SAMD5: variants seen among roughly 807,000 people sequenced by gnomAD.
The protein encoded by SAMD5 is sterile alpha motif domain containing 5.
SAMD5 carries 13 observed loss-of-function variants against 11.3 expected under a neutral mutation model. That is an observed-to-expected ratio of 1.15 (90% CI 0.75 to 1.83). SAMD5 has a LOEUF of 1.83. Among genes scored for constraint, SAMD5 ranks in the 40% most tolerant of loss-of-function variants. The pLI is 0.00. For synonymous variants in SAMD5, 129 were observed against 111.3 expected, an observed-to-expected ratio of 1.16 and a Z score of -1.00; for missense variants, 255 against 239.1, an observed-to-expected ratio of 1.07 and a Z score of -0.44.
chr6:147,732,340 G>A (rs12210064), intron 1 of SAMD5, among the ~76,000 whole-genome samples: 11,422 of 152,142 alleles, frequency 0.075, 511 homozygotes, highest in Non-Finnish European at 0.093. Flanking sequence ...AATTTCTCTC[G>A]TATATTACTG....
At chr6:147,931,048 A>AT in the SAMD5 span, among the ~76,000 whole-genome samples, 1 of 152,164 alleles carries the variant, frequency 6.6e-6, no homozygotes, top group Non-Finnish European at 1.5e-5. Flanking sequence ...CCATCACAGG[A>AT]GTTACCAGTT....
chr6:147,869,328 CA>C, the SAMD5 span, among the ~76,000 whole-genome samples: 768 of 152,278 alleles, frequency 5.0e-3, 3 homozygotes, highest in African/African-American at 0.017. Flanking sequence ...CAAGGTTGTA[CA>C]GTTTCTCCAG....
intron 1 of SAMD5, among the ~76,000 whole-genome samples, chr6:147,532,568 T>C (rs1246688413): frequency 3.3e-5 from 5 of 152,268 alleles, no homozygotes; most frequent in East Asian, 1.9e-4. Context: ...ATCTTTGCAA[T>C]TGCAAATTGT....
chr6:147,718,991 G>A (rs948716218), intron 1 of SAMD5, among the ~76,000 whole-genome samples: 1 of 152,130 alleles, frequency 6.6e-6, no homozygotes, highest in Non-Finnish European at 1.5e-5. Flanking sequence ...GCGCCCGGCC[G>A]AAGTGTCTCT....
chr6:147,767,249 G>A, the SAMD5 span, among the ~76,000 whole-genome samples: 1 of 152,076 alleles, frequency 6.6e-6, no homozygotes, highest in South Asian at 2.1e-4. Context: ...TGTCTTGAAG[G>A]TCAACACCTG....
intron 1 of SAMD5, among the ~76,000 whole-genome samples, chr6:147,593,597 C>T (rs17387221): frequency 0.099 from 15,128 of 152,198 alleles, 913 homozygotes; most frequent in Middle Eastern, 0.15. Context: ...CTGAATGCAG[C>T]GTTTTTCAAG....
chr6:147,628,528 G>A (rs1790091932), intron 1 of SAMD5, among the ~76,000 whole-genome samples: 2 of 152,192 alleles, frequency 1.3e-5, no homozygotes, highest in South Asian at 4.1e-4. Flanking sequence ...GATAGGGAGG[G>A]AAAGGTCAGG....
At chr6:147,823,863 C>T in the SAMD5 span, among the ~76,000 whole-genome samples, 2 of 152,078 alleles carry the variant, frequency 1.3e-5, no homozygotes, top group Admixed American at 1.3e-4. Context: ...AATAGAATTC[C>T]AGTGTATACT....
At chr6:147,700,799 C>T (rs1324063770) in intron 1 of SAMD5, among the ~76,000 whole-genome samples, 4 of 152,188 alleles carry the variant, frequency 2.6e-5, no homozygotes, top group South Asian at 2.1e-4. Context: ...CAAATGTGAT[C>T]GGCTGGTGGG....
At chr6:147,842,303 G>A in the SAMD5 span, among the ~76,000 whole-genome samples, 1 of 151,914 alleles carries the variant, frequency 6.6e-6, no homozygotes, top group Non-Finnish European at 1.5e-5. Context: ...AACCTCAGTG[G>A]CTCATGGGAA....
At chr6:147,833,650 A>C in the SAMD5 span, among the ~76,000 whole-genome samples, 12 of 152,334 alleles carry the variant, frequency 7.9e-5, no homozygotes, top group Admixed American at 6.5e-5. Context: ...ATTCCTTATT[A>C]GGCATATAAA....
At chr6:147,897,049 C>T in the SAMD5 span, among the ~76,000 whole-genome samples, 2 of 151,994 alleles carry the variant, frequency 1.3e-5, no homozygotes, top group Non-Finnish European at 2.9e-5. Context: ...AATGAGGTTT[C>T]TTTTTGAGGT....
chr6:147,810,375 T>C, the SAMD5 span, among the ~76,000 whole-genome samples: 1 of 152,146 alleles, frequency 6.6e-6, no homozygotes, highest in Admixed American at 6.5e-5. Flanking sequence ...CATTGGTCCT[T>C]TTAGTTCCAA....
intron 1 of SAMD5, among the ~76,000 whole-genome samples, chr6:147,721,483 T>C (rs1328787212): frequency 1.3e-5 from 2 of 152,254 alleles, no homozygotes; most frequent in Non-Finnish European, 2.9e-5. Flanking sequence ...GTTTTTTGAC[T>C]GCATAAATGT....
At chr6:147,528,277 A>G (rs1188726765) in intron 1 of SAMD5, among the ~76,000 whole-genome samples, 1 of 152,180 alleles carries the variant, frequency 6.6e-6, no homozygotes, top group Non-Finnish European at 1.5e-5. Flanking sequence ...CCACAGACTG[A>G]GTGGCTTCAA....
At chr6:147,791,692 T>C in the SAMD5 span, among the ~76,000 whole-genome samples, 1 of 152,220 alleles carries the variant, frequency 6.6e-6, no homozygotes, top group Non-Finnish European at 1.5e-5. Flanking sequence ...TAAATATCCT[T>C]AATTTTTAAA....
At chr6:147,706,622 G>T (rs1352933299) in intron 1 of SAMD5, among the ~76,000 whole-genome samples, 2 of 152,148 alleles carry the variant, frequency 1.3e-5, no homozygotes, top group African/African-American at 4.8e-5. Flanking sequence ...TTCTAAACAT[G>T]GATTGAAAAT....
At chr6:147,927,618 A>G in the SAMD5 span, among the ~76,000 whole-genome samples, 1 of 152,156 alleles carries the variant, frequency 6.6e-6, no homozygotes, top group Non-Finnish European at 1.5e-5. Context: ...GCAGACAGGG[A>G]TAGTTTGACA....
intron 1 of SAMD5, among the ~76,000 whole-genome samples, chr6:147,616,699 T>G (rs1789878438): frequency 6.6e-6 from 1 of 152,216 alleles, no homozygotes; most frequent in Admixed American, 6.5e-5. Context: ...GAGGTTTAAT[T>G]GACTCAGTTA....
Sources: gnomAD v4.1 joint callset for allele counts (sites outside exome capture counted in the v4.1 genomes callset) on GRCh38, gnomAD v4.1.1 for gene constraint, MANE v1.5 for transcripts, NCBI Gene and HGNC (gene_info 2026-07-23, HGNC 2026-07-21) for gene names.